Variants in WDR97 observed in about 807,000 individuals in gnomAD.
The protein encoded by WDR97 is WD repeat-containing protein 97.
In WDR97, 111 loss-of-function variants were observed where a neutral mutation model predicts 65.4. The ratio of observed to expected loss-of-function variants is 1.70; its 90% CI spans 1.45 to 1.99. The LOEUF is 1.99. Among genes scored for constraint, WDR97 ranks in the 30% most tolerant of loss-of-function variants. WDR97 has a pLI of 0.00. For synonymous variants in WDR97, 802 were observed against 397.7 expected, an observed-to-expected ratio of 2.02 and a Z score of -12.10; for missense variants, 1,674 against 865.0, an observed-to-expected ratio of 1.94 and a Z score of -11.73.
At position 144,108,305 on chromosome 8, in the gene WDR97, C is replaced by T. The variant is rs1339831138; in HGVS notation, c.250-11C>T. The T allele has an allele frequency of 5.8e-6, 4 of 692,770 alleles. No individual in the cohort carries two copies. Among genetic ancestry groups the T allele is most frequent in the South Asian group, 4.5e-5 (3 of 66,490 alleles). 42.9% of individuals were successfully genotyped at this position (692,770 alleles called of 1,614,324 possible). A position where few individuals can be genotyped will look rare whatever the true frequency, so the allele number is the denominator to read the frequency against. On this transcript the variant is annotated splice_polypyrimidine_tract_variant and intron_variant, in intron 2 of 23. Transcript: ENST00000323662. ...ACCTTTGATTGCGGGCCCGCCCACC[C>T]CGGCCCACAGGAGAAGAGAGCCGAG...
intron 17 of WDR97, 41 bp downstream of exon 17, chr8:144,113,922 G>A (rs751615235): frequency 3.8e-5 from 26 of 687,206 alleles, no homozygotes; most frequent in Middle Eastern, 4.6e-4. Flanking sequence ...CACGGGAGGT[G>A]GGCTTACACT....
In WDR97 at chr8:144,111,054, G is replaced by A. The variant is rs1002999091; in HGVS notation, c.2305-47G>A. The A allele has an allele frequency of 1.3e-5, 9 of 702,502 alleles. No individual in the cohort carries two copies. The African/African-American group carries it at 1.6e-4, about 12-fold the overall frequency. The allele number at this position is 702,502 out of a possible 1,614,324, so 43.5% of individuals were successfully genotyped here. Reference sequence around the variant, plus strand: ...CCCCCCTTGCTCACCTTGGGGGGCAGACCCAGGTTCCCCCAGCCAGGGATA... The same window carrying A: ...CCCCCCTTGCTCACCTTGGGGGGCAAACCCAGGTTCCCCCAGCCAGGGATA... On this transcript the variant is annotated intron_variant, in intron 9 of 23. Coordinates refer to ENST00000323662, the MANE Select transcript of WDR97 (RefSeq NM_001316309.2).
In WDR97 at chr8:144,110,638, C is replaced by T. The variant is rs1041458546; in HGVS notation, c.2081-11C>T. The T allele has an allele frequency of 1.6e-5, 11 of 702,718 alleles. No homozygotes were observed. The highest frequency in any genetic ancestry group is 2.3e-5 in the Non-Finnish European group (9 of 384,992). 43.5% of individuals were successfully genotyped at this position (702,718 alleles called of 1,614,324 possible). A position where few individuals can be genotyped will look rare whatever the true frequency, so the allele number is the denominator to read the frequency against. ...CCAGCTCCGGTTCCTGACCCTGAAC[C>T]CTGCCGCCAGGCCTGTGCTGCTGCC... On this transcript the variant is annotated splice_polypyrimidine_tract_variant and intron_variant, in intron 7 of 23. Coordinates refer to ENST00000323662, the MANE Select transcript of WDR97 (RefSeq NM_001316309.2).
Position 144,116,208 on chromosome 8 carries a change from C to A in WDR97, c.4784C>A (p.Pro1595Gln), listed in dbSNP as rs1467305862. ...QPFPLDWPMP[P>Q]RPLPPRLLQP... ...TTCCCCCTGGACTGGCCTATGCCCC[C>A]GCGCCCGCTGCCCCCGCGGCTCCTG... Residue 1595 changes from proline (P) to glutamine (Q), a missense_variant, in exon 24 of 24, where the codon CCG becomes CAG. Physicochemically the swap from Pro to Gln is moderately conservative, Grantham distance 76. Transcript: ENST00000323662. 2 of 688,680 alleles carry A rather than the reference C, an allele frequency of 2.9e-6. No individual in the cohort carries two copies. Among genetic ancestry groups the A allele is most frequent in the Middle Eastern group, 2.3e-4 (1 of 4,302 alleles). The allele number at this position is 688,680 out of a possible 1,614,324, so 42.7% of individuals were successfully genotyped here.
In WDR97 at chr8:144,110,656, C is replaced by G. The variant is rs1261662991; in HGVS notation, c.2088C>G (p.Cys696Trp). Residue 696 changes from cysteine to tryptophan, a missense_variant, in exon 8 of 24, where the codon TGC becomes TGG. Transcript: ENST00000323662. ...DDPTDHITGL[C>W]CCPTLKLYAC... Reference sequence around the variant, plus strand: ...CCTGAACCCTGCCGCCAGGCCTGTGCTGCTGCCCCACGCTCAAACTGTATG... The same window carrying G: ...CCTGAACCCTGCCGCCAGGCCTGTGGTGCTGCCCCACGCTCAAACTGTATG... The G allele has an allele frequency of 7.1e-6, 5 of 702,790 alleles. No individual in the cohort carries two copies. The highest frequency in any genetic ancestry group is 1.3e-5 in the Non-Finnish European group (5 of 385,026). 43.5% of individuals were successfully genotyped at this position (702,790 alleles called of 1,614,324 possible). A position where few individuals can be genotyped will look rare whatever the true frequency, so the allele number is the denominator to read the frequency against.
rs1419888158 is a variant in WDR97 at position 144,113,480 on chromosome 8, A to G, written c.3146A>G (p.Asn1049Ser). Residue 1049 changes from asparagine (N) to serine (S), a missense_variant, in exon 16 of 24, where the codon AAC becomes AGC. Transcript: ENST00000323662. ...ATCTGCTTCCCCGGCTATGTGCCCAACTCCGCGGTGCTACAGCAGATGTGG... is the reference window on the plus strand; with the variant it reads ...ATCTGCTTCCCCGGCTATGTGCCCAGCTCCGCGGTGCTACAGCAGATGTGG... The part of the protein sequence containing the change: ...RPICFPGYVP[N>S]SAVLQQMWLN... 2.8e-6 allele frequency: 2 copies of G among 701,944 alleles called. No individual in the cohort carries two copies. The highest frequency in any genetic ancestry group is 1.7e-5 in the African/African-American group (1 of 57,218). The allele number at this position is 701,944 out of a possible 1,614,324, so 43.5% of individuals were successfully genotyped here.
In WDR97 at chr8:144,108,602, C is replaced by A; in HGVS notation, c.536C>A (p.Pro179His). 1.4e-6 allele frequency: 1 copy of A among 700,746 alleles called. No homozygotes were observed. Among genetic ancestry groups the A allele is most frequent in the South Asian group, 1.5e-5 (1 of 67,512 alleles). The allele number at this position is 700,746 out of a possible 1,614,324, so 43.4% of individuals were successfully genotyped here. ...WGPAGLAILRPNLSLLWLSEQ... is the reference protein window; with the variant it reads ...WGPAGLAILRHNLSLLWLSEQ... ...CCCGCGGGGCTGGCAATTCTGAGGC[C>A]CAACCTCAGCCTGCTGTGGCTGAGC... The change falls in exon 3 of 24, where the codon CCC (proline) becomes CAC (histidine). Residue 179 changes from proline to histidine, a missense_variant. Transcript: ENST00000323662.
In WDR97 at chr8:144,111,738, GC is replaced by G. The variant is rs1483183713; in HGVS notation, c.2595del (p.Phe866LeufsTer7). ...CCCTCCTGGCAGCAGCGCCAGGAAG[GC>G]TTTGACAATTACCTCCGTCTGATCT... ...PPPSWQQRQE[G>X]FDNYLRLIYG... On this transcript the variant is annotated frameshift_variant, in exon 12 of 24. Coordinates refer to ENST00000323662, the MANE Select transcript of WDR97 (RefSeq NM_001316309.2). LOFTEE classifies it high-confidence loss of function. 1.2e-5 allele frequency: 8 copies of G among 693,612 alleles called. No individual in the cohort carries two copies. The East Asian group carries it at 1.9e-4, about 16-fold the overall frequency. 43.0% of individuals were successfully genotyped at this position (693,612 alleles called of 1,614,324 possible).
At chr8:144,110,316 C>T (rs1836520046) in intron 6 of WDR97, 25 bp from the exon 7 acceptor site, 1 of 702,746 alleles carries the variant, frequency 1.4e-6, no homozygotes, top group Non-Finnish European at 2.6e-6. Context: ...TCCGACAAGG[C>T]CCAGCCAGAT....
chr8:144,114,146 C>T lies in WDR97; in HGVS notation c.3578C>T (p.Pro1193Leu). 1.4e-6 allele frequency: 1 copy of T among 702,710 alleles called. No homozygotes were observed. Among genetic ancestry groups the T allele is most frequent in the Non-Finnish European group, 2.6e-6 (1 of 384,876 alleles). 43.5% of individuals were successfully genotyped at this position (702,710 alleles called of 1,614,324 possible). Residue 1193 changes from proline (P) to leucine (L), a missense_variant, in exon 18 of 24, where the codon CCC becomes CTC. Transcript: ENST00000323662. ...IYQTWFKKLF[P>L]IFSLQAYPEA... ...CAGACCTGGTTCAAAAAGTTGTTCC[C>T]CATCTTCAGCCTGCAGGTTGGAGGG...
In WDR97 at chr8:144,108,306, C is replaced by G; in HGVS notation, c.250-10C>G. On this transcript the variant is annotated splice_polypyrimidine_tract_variant and intron_variant, in intron 2 of 23. Coordinates refer to ENST00000323662, the MANE Select transcript of WDR97 (RefSeq NM_001316309.2). Reference sequence around the variant, plus strand: ...CCTTTGATTGCGGGCCCGCCCACCCCGGCCCACAGGAGAAGAGAGCCGAGC... The same window carrying G: ...CCTTTGATTGCGGGCCCGCCCACCCGGGCCCACAGGAGAAGAGAGCCGAGC... 4 of 692,592 alleles carry G rather than the reference C, an allele frequency of 5.8e-6. No individual in the cohort carries two copies. Among genetic ancestry groups the G allele is most frequent in the Non-Finnish European group, 7.9e-6 (3 of 381,766 alleles). The allele number at this position is 692,592 out of a possible 1,614,324, so 42.9% of individuals were successfully genotyped here.
At position 144,116,121 on chromosome 8, in the gene WDR97, G is replaced by A. The variant is rs1380462208; in HGVS notation, c.4697G>A (p.Arg1566His). The A allele has an allele frequency of 1.5e-6, 1 of 678,184 alleles. No individual in the cohort carries two copies. The highest frequency in any genetic ancestry group is 1.5e-5 in the South Asian group (1 of 66,360). 42.0% of individuals were successfully genotyped at this position (678,184 alleles called of 1,614,324 possible). A position where few individuals can be genotyped will look rare whatever the true frequency, so the allele number is the denominator to read the frequency against. Reference protein sequence around the residue: ...GPMRSRLCAGRTLDGPIRTLK... With the variant: ...GPMRSRLCAGHTLDGPIRTLK... ...ATGCGGTCCCGGCTCTGTGCGGGCCGCACCCTGGACGGCCCCATCCGGACG... is the reference window on the plus strand; with the variant it reads ...ATGCGGTCCCGGCTCTGTGCGGGCCACACCCTGGACGGCCCCATCCGGACG... The change falls in exon 24 of 24, where the codon CGC becomes CAC. Residue 1566 changes from arginine to histidine, a missense_variant. Coordinates refer to ENST00000323662, the MANE Select transcript of WDR97 (RefSeq NM_001316309.2).
At position 144,110,033 on chromosome 8, in the gene WDR97, C is replaced by T. The variant is rs868705777; in HGVS notation, c.1699C>T (p.Arg567Trp). 31 of 696,000 alleles carry T rather than the reference C, an allele frequency of 4.5e-5. No homozygotes were observed. The highest frequency in any genetic ancestry group is 7.4e-5 in the Non-Finnish European group (28 of 380,330). 43.1% of individuals were successfully genotyped at this position (696,000 alleles called of 1,614,324 possible). Residue 567 changes from arginine to tryptophan, a missense_variant and splice_region_variant, in exon 5 of 24, where the codon CGG becomes TGG. Coordinates refer to ENST00000323662, the MANE Select transcript of WDR97 (RefSeq NM_001316309.2). ...GGCCTGCGCCTGGAAGAACAAGAACCGGTGGGTGCGGGAGCCGGCGAGGGT... is the reference window on the plus strand; with the variant it reads ...GGCCTGCGCCTGGAAGAACAAGAACTGGTGGGTGCGGGAGCCGGCGAGGGT... ...SVACAWKNKN[R>W]YLPVVGHTDG... is the part of the protein sequence containing the mutation.
chr8:144,115,224 G>C, intron 21 of WDR97, 117 bp from the exon 22 acceptor site: 1 of 567,552 alleles, frequency 1.8e-6, no homozygotes, highest in Non-Finnish European at 3.1e-6. Flanking sequence ...GAGCCAGGGT[G>C]CTTGGCCATG....
rs1365583861 is a variant in WDR97, at chr8:144,110,711, A to C, written c.2143A>C (p.Ile715Leu). 2.8e-6 allele frequency: 2 copies of C among 702,846 alleles called. No homozygotes were observed. The highest frequency in any genetic ancestry group is 3.0e-5 in the South Asian group (2 of 67,586). 43.5% of individuals were successfully genotyped at this position (702,846 alleles called of 1,614,324 possible). A position where few individuals can be genotyped will look rare whatever the true frequency, so the allele number is the denominator to read the frequency against. ...ACSSLDCTVR[I>L]WTAENRLLRL... ...CTCCAGCCTGGACTGCACCGTTCGC[A>C]TCTGGACTGCTGAGAACCGCCTCCT... Residue 715 changes from isoleucine (I) to leucine (L), a missense_variant, in exon 8 of 24, where the codon ATC (isoleucine) becomes CTC (leucine). Physicochemically the swap from Ile to Leu is conservative, Grantham distance 5 (BLOSUM62 2). Coordinates refer to ENST00000323662, the MANE Select transcript of WDR97 (RefSeq NM_001316309.2).
At chr8:144,113,054 A>C in intron 15 of WDR97, 1 of 357,162 alleles carries the variant, frequency 2.8e-6, no homozygotes, top group Non-Finnish European at 5.1e-6. Flanking sequence ...GGGTGCCACC[A>C]TCATGCTCTT....
rs1034777805 is a variant in WDR97 at position 144,116,083 on chromosome 8, G to T, written c.4667-8G>T. ...CCCCGGGCCTCATAAGCCTCCGCCC[G>T]CCCCCAGGCCCCATGCGGTCCCGGC... On this transcript the variant is annotated splice_polypyrimidine_tract_variant and splice_region_variant and intron_variant, in intron 23 of 23. Transcript: ENST00000323662. The T allele has an allele frequency of 1.4e-5, 6 of 429,628 alleles. No individual in the cohort carries two copies. In the East Asian group the frequency reaches 2.8e-4, roughly 20 times the overall value. The allele number at this position is 429,628 out of a possible 1,614,324, so 26.6% of individuals were successfully genotyped here.
Position 144,113,532 on chromosome 8 carries a change from A to T in WDR97, c.3183+15A>T. On this transcript the variant is annotated intron_variant, in intron 16 of 23. Transcript: ENST00000323662. ...TAAATGCGGAGGTCAGCAGCCTCGG[A>T]TCCCCGACTCAGCTCGCCTCCCAGA... The T allele has an allele frequency of 1.4e-6, 1 of 691,290 alleles. No individual in the cohort carries two copies. The highest frequency in any genetic ancestry group is 2.7e-6 in the Non-Finnish European group (1 of 375,912). The allele number at this position is 691,290 out of a possible 1,614,324, so 42.8% of individuals were successfully genotyped here. A position where few individuals can be genotyped will look rare whatever the true frequency, so the allele number is the denominator to read the frequency against.
In WDR97 at chr8:144,111,717, C is replaced by G. The variant is rs865829952; in HGVS notation, c.2573C>G (p.Ser858Cys). 9 of 697,320 alleles carry G rather than the reference C, an allele frequency of 1.3e-5. No homozygotes were observed. The highest frequency in any genetic ancestry group is 3.5e-5 in the African/African-American group (2 of 56,994). 43.2% of individuals were successfully genotyped at this position (697,320 alleles called of 1,614,324 possible). Reference sequence around the variant, plus strand: ...GTCCCAGCAGCCCAGCCCCCACCCTCCTGGCAGCAGCGCCAGGAAGGCTTT... The same window carrying G: ...GTCCCAGCAGCCCAGCCCCCACCCTGCTGGCAGCAGCGCCAGGAAGGCTTT... ...LVVPAAQPPP[S>C]WQQRQEGFDN... The change falls in exon 12 of 24, where the codon TCC (serine) becomes TGC (cysteine). Residue 858 changes from serine to cysteine, a missense_variant. By Grantham distance (112) the Ser-to-Cys change is moderately radical. Transcript: ENST00000323662.
Sources: allele counts gnomAD v4.1 joint callset, GRCh38; gene constraint gnomAD v4.1.1; transcripts MANE v1.5; gene names NCBI Gene and HGNC (gene_info 2026-07-23, HGNC 2026-07-21).